Variants in FRS2 observed in about 807,000 individuals in gnomAD.
FRS2 encodes FGFR signalling adaptor.
A neutral mutation model predicts 43.9 loss-of-function variants in FRS2; 8 were observed. The ratio of observed to expected loss-of-function variants is 0.18; its 90% CI spans 0.11 to 0.33. The LOEUF (loss-of-function observed/expected upper bound fraction) is 0.33. FRS2 is among the 10% of genes least tolerant of loss of function. FRS2 has a pLI of 1.00. For synonymous variants in FRS2, 219 were observed against 220.3 expected (o/e 0.99, Z 0.05); for missense variants, 534 against 627.6 (o/e 0.85, Z 1.59).
At chr12:69,535,138 C>T (rs1030541925) in intron 3 of FRS2, among the ~76,000 whole-genome samples, 6 of 151,888 alleles carry the variant, frequency 4.0e-5, no homozygotes, top group Non-Finnish European at 8.8e-5. Flanking sequence ...TCAAGGCATC[C>T]AAAGATAGGT....
At chr12:69,525,696 CTG>C (rs1287603617) in intron 1 of FRS2, among the ~76,000 whole-genome samples, 2 of 151,940 alleles carry the variant, frequency 1.3e-5, no homozygotes, top group East Asian at 1.9e-4. Flanking sequence ...GCAATGGAGA[CTG>C]TGAGGGAGAT....
At chr12:69,496,334 G>A (rs917578854) in intron 1 of FRS2, among the ~76,000 whole-genome samples, 1 of 152,118 alleles carries the variant, frequency 6.6e-6, no homozygotes, top group East Asian at 1.9e-4. Flanking sequence ...TTACTCAGGC[G>A]GCTGAGGCAA....
intron 1 of FRS2, among the ~76,000 whole-genome samples, chr12:69,478,451 T>C (rs1592907005): frequency 6.6e-6 from 1 of 152,152 alleles, no homozygotes. Flanking sequence ...ATGGGGCTGG[T>C]GGCTACTGTA....
chr12:69,479,424 A>T (rs1283172119), intron 1 of FRS2, among the ~76,000 whole-genome samples: 2 of 130,002 alleles, frequency 1.5e-5, no homozygotes, highest in Non-Finnish European at 1.6e-5. Context: ...TTTTGAGACC[A>T]GTCTTGCTCT....
chr12:69,474,415 T>C (rs1016874876), intron 1 of FRS2, among the ~76,000 whole-genome samples: 3 of 134,870 alleles, frequency 2.2e-5, no homozygotes, highest in Admixed American at 1.5e-4. Flanking sequence ...AGGGAGAATG[T>C]AGAGGGGAAA....
At chr12:69,470,863 A>G (rs147052958) in intron 1 of FRS2, among the ~76,000 whole-genome samples, 37 of 152,108 alleles carry the variant, frequency 2.4e-4, no homozygotes, top group African/African-American at 8.9e-4. Context: ...CTAGTTTGGT[A>G]TTCTGTGTCC....
At chr12:69,482,634 T>C (rs1871445005) in intron 1 of FRS2, among the ~76,000 whole-genome samples, 1 of 152,218 alleles carries the variant, frequency 6.6e-6, no homozygotes, top group Non-Finnish European at 1.5e-5. Context: ...CTTTTATATC[T>C]TTTGTGTGTA....
intron 1 of FRS2, among the ~76,000 whole-genome samples, chr12:69,501,504 C>T (rs1011739841): frequency 9.9e-5 from 15 of 152,120 alleles, no homozygotes; most frequent in African/African-American, 3.6e-4. Flanking sequence ...CTTGAATGTG[C>T]CAGAAATTGT....
At chr12:69,531,512 T>C (rs1471476977) in intron 2 of FRS2, among the ~76,000 whole-genome samples, 1 of 152,184 alleles carries the variant, frequency 6.6e-6, no homozygotes, top group Non-Finnish European at 1.5e-5. Flanking sequence ...TGTTTCTTCC[T>C]AGGATTAAAA....
chr12:69,507,061 G>A (rs1439237672), intron 1 of FRS2, among the ~76,000 whole-genome samples: 1 of 152,120 alleles, frequency 6.6e-6, no homozygotes, highest in East Asian at 1.9e-4. Flanking sequence ...CACCAAATGC[G>A]GTCCCTCGAC....
intron 3 of FRS2, among the ~76,000 whole-genome samples, chr12:69,538,381 C>T (rs1055883884): frequency 6.6e-6 from 1 of 151,332 alleles, no homozygotes; most frequent in Non-Finnish European, 1.5e-5. Context: ...GTATGAGAAA[C>T]ATAATACAGA....
intron 3 of FRS2, among the ~76,000 whole-genome samples, chr12:69,538,897 A>G (rs7307603): frequency 0.019 from 2,835 of 152,114 alleles, 89 homozygotes; most frequent in African/African-American, 0.064. Flanking sequence ...TTGTTATGCA[A>G]ATTCTCCACA....
At chr12:69,505,130 A>G (rs975736144) in intron 1 of FRS2, among the ~76,000 whole-genome samples, 7 of 152,230 alleles carry the variant, frequency 4.6e-5, no homozygotes, top group African/African-American at 1.7e-4. Flanking sequence ...AAGTGCTGGG[A>G]TAACAGGTGT....
At chr12:69,474,630 A>C (rs10444582) in intron 1 of FRS2, among the ~76,000 whole-genome samples, 57,831 of 151,984 alleles carry the variant, frequency 0.38, 11,591 homozygotes, top group South Asian at 0.58. Flanking sequence ...CAAGAATACT[A>C]TGCTATCTTT....
chr12:69,522,617 G>A (rs763655403), intron 1 of FRS2, among the ~76,000 whole-genome samples: 7 of 152,010 alleles, frequency 4.6e-5, no homozygotes, highest in Non-Finnish European at 8.8e-5. Flanking sequence ...GATTTTGGTT[G>A]TTTCTTGTCT....
At chr12:69,474,720 G>T (rs1345120215) in intron 1 of FRS2, among the ~76,000 whole-genome samples, 1 of 152,182 alleles carries the variant, frequency 6.6e-6, no homozygotes, top group Non-Finnish European at 1.5e-5. Flanking sequence ...AGCTATGTTA[G>T]CTTGTTTCTT....
At chr12:69,530,783 A>G (rs1876710380) in intron 1 of FRS2, 82 bp from the exon 2 acceptor site, 1 of 152,590 alleles carries the variant, frequency 6.6e-6, no homozygotes, top group African/African-American at 2.4e-5. Flanking sequence ...TCTGGTCACT[A>G]CAATTTAGAT....
chr12:69,578,368 G>A lies in FRS2; in HGVS notation c.*3413G>A, dbSNP rs1016224436. ...CAAATTTGAATAAAGGCATTGGTAC[G>A]AAATTACAGAATGTAAAGAAAATGT... On this transcript the variant is annotated 3_prime_UTR_variant, in exon 9 of 9. Transcript: ENST00000549921. 2 of 152,546 alleles carry A rather than the reference G, an allele frequency of 1.3e-5. No individual in the cohort carries two copies. Among genetic ancestry groups the A allele is most frequent in the South Asian group, 2.1e-4 (1 of 4,832 alleles). The allele number at this position is 152,546 out of a possible 1,614,324, so 9.4% of individuals were successfully genotyped here.
chr12:69,487,500 G>A (rs368974076), intron 1 of FRS2, among the ~76,000 whole-genome samples: 18 of 152,282 alleles, frequency 1.2e-4, no homozygotes, highest in African/African-American at 4.1e-4. Flanking sequence ...GAGACCTACT[G>A]CCCAGAAGAA....
Sources: allele counts gnomAD v4.1 joint callset (sites outside exome capture counted in the v4.1 genomes callset), GRCh38; gene constraint gnomAD v4.1.1; transcripts MANE v1.5; gene names NCBI Gene and HGNC (gene_info 2026-07-23, HGNC 2026-07-21).